The following NEIL2 variants were observed in gnomAD, a reference collection of about 807,000 sequenced individuals.
NEIL2 encodes nei like DNA glycosylase 2, also known as endonuclease 8-like 2.
A neutral mutation model predicts 22.2 loss-of-function variants in NEIL2; 23 were observed. The ratio of observed to expected loss-of-function variants is 1.04; its 90% confidence interval spans 0.75 to 1.47. The LOEUF is 1.47. Among genes scored for constraint, NEIL2 ranks in the 40% most tolerant of loss-of-function variants. The pLI is 0.00. For missense variants in NEIL2, 583 were observed against 404.7 expected (o/e 1.44, Z -3.78); for synonymous variants, 229 against 164.8 (o/e 1.39, Z -2.99).
Position 11,786,672 on chromosome 8 carries a change from C to G in NEIL2, c.*399C>G. ...TTGTTTGTTTTGAGAGAGAGTCTTG[C>G]TCTGTCTCCCTGGCTAGGGTGTGGT... is the stretch of plus-strand genomic sequence containing the variant. On this transcript the variant is annotated 3_prime_UTR_variant, in exon 5 of 5. Coordinates refer to ENST00000284503, the MANE Select transcript of NEIL2 (RefSeq NM_145043.4). 1 of 259,622 alleles carries G rather than the reference C, an allele frequency of 3.9e-6. No individual in the cohort carries two copies. Among genetic ancestry groups the G allele is most frequent in the South Asian group, 3.7e-5 (1 of 27,144 alleles). 16.1% of individuals were successfully genotyped at this position (259,622 alleles called of 1,614,324 possible). A position where few individuals can be genotyped will look rare whatever the true frequency, so the allele number is the denominator to read the frequency against.
At position 11,779,881 on chromosome 8, in the gene NEIL2, T is replaced by A; in HGVS notation, c.422T>A (p.Val141Asp). The A allele has an allele frequency of 6.2e-7, 1 of 1,613,962 alleles. No homozygotes were observed. Among genetic ancestry groups the A allele is most frequent in the African/African-American group, 1.3e-5 (1 of 74,948 alleles). Reference sequence around the variant, plus strand: ...GTCAGCTTTGGTTTGTTTGGCAGCGTTTGGGTGAACGATTTCTCCAGAGCC... The same window carrying A: ...GTCAGCTTTGGTTTGTTTGGCAGCGATTGGGTGAACGATTTCTCCAGAGCC... ...LRVSFGLFGS[V>D]WVNDFSRAKK... The change falls in exon 3 of 5, where the codon GTT (valine) becomes GAT (aspartate). Residue 141 changes from valine (V) to aspartate (D), a missense_variant. Coordinates refer to ENST00000284503, the MANE Select transcript of NEIL2 (RefSeq NM_145043.4).
At chr8:11,782,526 A>T (rs1353086591) in intron 3 of NEIL2, 2 of 162,884 alleles carry the variant, frequency 1.2e-5, no homozygotes, top group Admixed American at 5.6e-5. Flanking sequence ...GAACAATTAC[A>T]TTAGCCTACA....
chr8:11,783,981 G>T (rs1209218902), intron 4 of NEIL2, among the ~76,000 whole-genome samples: 1 of 152,224 alleles, frequency 6.6e-6, no homozygotes, highest in Non-Finnish European at 1.5e-5. Context: ...GAGAAGTGCT[G>T]AACAATTTCA....
At position 11,783,386 on chromosome 8, in the gene NEIL2, C is replaced by T; in HGVS notation, c.675C>T (p.Tyr225=). The change falls in exon 4 of 5, where the codon TAC becomes TAT. Residue 225 remains tyrosine (Y), a synonymous_variant. Transcript: ENST00000284503. The stretch of plus-strand genomic sequence containing the variant: ...GCTATACACTGCTGGACCAGAGATA[C>T]TTCTCAGGGCTAGGTATGACTCATG... ...PVCYTLLDQR[Y]FSGLGNIIKN... The T allele has an allele frequency of 1.9e-6, 3 of 1,613,890 alleles. No homozygotes were observed. Among genetic ancestry groups the T allele is most frequent in the Non-Finnish European group, 2.5e-6 (3 of 1,179,754 alleles).
At position 11,770,591 on chromosome 8, in the gene NEIL2, C is replaced by T. The variant is rs1803351361; in HGVS notation, c.-3+256C>T. Reference sequence around the variant, plus strand: ...TGAAATATAATAGCTACCCCCTGCCCGATATCTACTTAGTTCTTTTCGATT... The same window carrying T: ...TGAAATATAATAGCTACCCCCTGCCTGATATCTACTTAGTTCTTTTCGATT... On this transcript the variant is annotated intron_variant, in intron 1 of 4. Coordinates refer to ENST00000284503, the MANE Select transcript of NEIL2 (RefSeq NM_145043.4). Among the ~76,000 whole-genome samples the T allele has an allele frequency of 2.6e-5, 4 of 152,258 alleles. No individual in the cohort carries two copies. In the South Asian group the frequency reaches 8.3e-4, roughly 32 times the overall value.
intron 2 of NEIL2, among the ~76,000 whole-genome samples, chr8:11,774,886 G>A (rs1359062435): frequency 6.6e-6 from 1 of 152,268 alleles, no homozygotes; most frequent in African/African-American, 2.4e-5. Context: ...GCTGATGCAA[G>A]AGGTAGACTC....
At chr8:11,778,655 A>G (rs1483468063) in intron 2 of NEIL2, among the ~76,000 whole-genome samples, 1 of 152,108 alleles carries the variant, frequency 6.6e-6, no homozygotes, top group Non-Finnish European at 1.5e-5. Flanking sequence ...ATATGAAAAT[A>G]AAGTCAAAGC....
chr8:11,774,966 A>G (rs1478728622), intron 2 of NEIL2, among the ~76,000 whole-genome samples: 1 of 152,242 alleles, frequency 6.6e-6, no homozygotes, highest in Non-Finnish European at 1.5e-5. Flanking sequence ...CTGCTTTCAC[A>G]GGCTGGCATT....
At chr8:11,771,419 G>A (rs1280436960) in intron 1 of NEIL2, 27 bp from the exon 2 acceptor site, 2 of 1,612,744 alleles carry the variant, frequency 1.2e-6, no homozygotes, top group Non-Finnish European at 1.7e-6. Flanking sequence ...TAAGTCGGTG[G>A]CCTCTTTTGC....
intron 3 of NEIL2, chr8:11,782,784 G>C: frequency 3.5e-6 from 1 of 284,786 alleles, no homozygotes; most frequent in Non-Finnish European, 6.8e-6. Flanking sequence ...GTAACGATGT[G>C]GGGATGTGTG....
intron 2 of NEIL2, among the ~76,000 whole-genome samples, chr8:11,777,283 G>T (rs1585755677): frequency 6.6e-6 from 1 of 151,830 alleles, no homozygotes; most frequent in Admixed American, 6.6e-5. Context: ...ATGAGCCACT[G>T]TGCCTGGCCT....
intron 3 of NEIL2, among the ~76,000 whole-genome samples, chr8:11,780,671 C>T (rs1364485912): frequency 6.6e-6 from 1 of 152,220 alleles, no homozygotes; most frequent in Non-Finnish European, 1.5e-5. Flanking sequence ...CGTGAGCCAC[C>T]ATGCTTGGCC....
rs1305259695 is a variant in NEIL2 at position 11,786,038 on chromosome 8, C to G, written c.764C>G (p.Ser255Trp). ...TCTCTCGGTTCAGTCCTGAGTGCCT[C>G]GCGTCGGGAGGTCCTGGTGGATCAC... ...PLSLGSVLSA[S>W]RREVLVDHVV... is the part of the protein sequence containing the mutation. Residue 255 changes from serine (S) to tryptophan (W), a missense_variant, in exon 5 of 5, where the codon TCG (serine) becomes TGG (tryptophan). Ser to Trp is a radical substitution (Grantham distance 177, BLOSUM62 -3). Coordinates refer to ENST00000284503, the MANE Select transcript of NEIL2 (RefSeq NM_145043.4). 16 of 1,614,106 alleles carry G rather than the reference C, an allele frequency of 9.9e-6. No homozygotes were observed. The highest frequency in any genetic ancestry group is 1.4e-5 in the Non-Finnish European group (16 of 1,179,994).
chr8:11,777,246 G>C (rs1261243702), intron 2 of NEIL2, among the ~76,000 whole-genome samples: 1 of 151,790 alleles, frequency 6.6e-6, no homozygotes, highest in East Asian at 1.9e-4. Context: ...TCTCGTCTCA[G>C]CCTCCCAAAG....
Position 11,783,347 on chromosome 8 carries a change from G to T in NEIL2, c.636G>T (p.Gln212His). The change falls in exon 4 of 5, where the codon CAG (glutamine) becomes CAT (histidine). Residue 212 changes from glutamine (Q) to histidine (H), a missense_variant. Coordinates refer to ENST00000284503, the MANE Select transcript of NEIL2 (RefSeq NM_145043.4). ...HRGQALEALG[Q>H]AQPVCYTLLD... is the part of the protein sequence containing the mutation. ...GACAAGCCTTAGAAGCTCTAGGCCA[G>T]GCTCAGCCTGTCTGCTATACACTGC... 1 of 1,614,214 alleles carries T rather than the reference G, an allele frequency of 6.2e-7. No individual in the cohort carries two copies. The highest frequency in any genetic ancestry group is 8.5e-7 in the Non-Finnish European group (1 of 1,180,034).
Position 11,779,586 on chromosome 8 carries a change from C to G in NEIL2, c.139-12C>G, listed in dbSNP as rs752640383. ...GGTCTGTAAGGCTTGGATCTCTGTT[C>G]ATTTTTTCTAGGTCCATGGAAAGAA... On this transcript the variant is annotated splice_polypyrimidine_tract_variant and intron_variant, in intron 2 of 4. Transcript: ENST00000284503. 6 of 1,593,522 alleles carry G rather than the reference C, an allele frequency of 3.8e-6. No homozygotes were observed. The East Asian group carries it at 8.9e-5, about 24-fold the overall frequency.
Position 11,770,152 on chromosome 8 carries a change from C to A in NEIL2, c.-186C>A, listed in dbSNP as rs1474059511. ...CATCTTCAGCGACTCTTCGAAGTCCCTTCCGCGTCTCATCTTTCAAGGCTG... is the reference window on the plus strand; with the variant it reads ...CATCTTCAGCGACTCTTCGAAGTCCATTCCGCGTCTCATCTTTCAAGGCTG... On this transcript the variant is annotated 5_prime_UTR_variant, in exon 1 of 5. Coordinates refer to ENST00000284503, the MANE Select transcript of NEIL2 (RefSeq NM_145043.4). The A allele has an allele frequency of 6.6e-6, 1 of 152,220 alleles. No homozygotes were observed. Among genetic ancestry groups the A allele is most frequent in the African/African-American group, 2.4e-5 (1 of 41,462 alleles). The allele number at this position is 152,220 out of a possible 1,614,324, so 9.4% of individuals were successfully genotyped here.
At position 11,775,949 on chromosome 8, in the gene NEIL2, C is replaced by T. The variant is rs8191582; in HGVS notation, c.139-3649C>T. On this transcript the variant is annotated intron_variant, in intron 2 of 4. Coordinates refer to ENST00000284503, the MANE Select transcript of NEIL2 (RefSeq NM_145043.4). ...ACATTTTCCTGTCTTCTTCTGAGCC[C>T]TCCAGACTGTTTCAACCTCTGCCTG... Among the ~76,000 whole-genome samples, 48 of 152,352 alleles carry T rather than the reference C, an allele frequency of 3.2e-4. No individual in the cohort carries two copies. The South Asian group carries it at 9.1e-3, about 29-fold the overall frequency.
chr8:11,779,648 G>A lies in NEIL2; in HGVS notation c.189G>A (p.Gly63=). 1 of 1,613,684 alleles carries A rather than the reference G, an allele frequency of 6.2e-7. No homozygotes were observed. The highest frequency in any genetic ancestry group is 8.5e-7 in the Non-Finnish European group (1 of 1,179,960). ...FLRFDLDEEM[G]PPGSSPTPEP... ...GATTTGATCTAGATGAAGAAATGGG[G>A]CCCCCTGGCAGCAGCCCAACACCAG... is the stretch of plus-strand genomic sequence containing the variant. The change falls in exon 3 of 5, where the codon GGG becomes GGA. Residue 63 remains glycine (G), a synonymous_variant. Coordinates refer to ENST00000284503, the MANE Select transcript of NEIL2 (RefSeq NM_145043.4).
Sources: gnomAD v4.1 joint callset for allele counts (sites outside exome capture counted in the v4.1 genomes callset) on GRCh38, gnomAD v4.1.1 for gene constraint, MANE v1.5 for transcripts, NCBI Gene and HGNC (gene_info 2026-07-23, HGNC 2026-07-21) for gene names.